Variants in POU2F2 observed in about 807,000 individuals in gnomAD.
POU2F2 encodes POU class 2 homeobox 2, also known as POU domain, class 2, transcription factor 2.
Under a neutral mutation model 63.5 loss-of-function variants are expected in POU2F2, and 14 were observed. The ratio of observed to expected loss-of-function variants is 0.22; its 90% confidence interval spans 0.15 to 0.34. The LOEUF (loss-of-function observed/expected upper bound fraction) is 0.34. Ranked by LOEUF, POU2F2 falls within the 10% of genes least tolerant of loss-of-function variation. POU2F2 has a pLI of 1.00. For synonymous variants in POU2F2, 306 were observed against 348.6 expected (o/e 0.88, Z 1.36); for missense variants, 607 against 815.2 (o/e 0.74, Z 3.11).
At chr19:42,138,063 C>T (rs1203347635) in intron 2 of POU2F2, among the ~76,000 whole-genome samples, 1 of 152,154 alleles carries the variant, frequency 6.6e-6, no homozygotes, top group Non-Finnish European at 1.5e-5. Context: ...AGTGGGACAC[C>T]TGAGAAGGTT....
chr19:42,111,229 T>C (rs2031031424), intron 5 of POU2F2, among the ~76,000 whole-genome samples: 1 of 152,144 alleles, frequency 6.6e-6, no homozygotes, highest in Non-Finnish European at 1.5e-5. Context: ...GCGATCCTCC[T>C]GCCTCAGCCT....
chr19:42,126,480 C>T (rs932550791), intron 1 of POU2F2, among the ~76,000 whole-genome samples: 1 of 151,544 alleles, frequency 6.6e-6, no homozygotes, highest in Non-Finnish European at 1.5e-5. Context: ...GGAATTAGGT[C>T]ACAGATGGGA....
intron 5 of POU2F2, among the ~76,000 whole-genome samples, chr19:42,108,737 C>G (rs1217202085): frequency 1.3e-5 from 2 of 152,160 alleles, no homozygotes; most frequent in African/African-American, 4.8e-5. Context: ...GGGCGTGTTA[C>G]GTCCGAGTCA....
intron 1 of POU2F2, among the ~76,000 whole-genome samples, chr19:42,165,310 G>A (rs564881122): frequency 1.6e-4 from 24 of 152,314 alleles, no homozygotes; most frequent in Non-Finnish European, 2.6e-4. Flanking sequence ...TAGAGTGGGC[G>A]GGGTAGTACC....
chr19:42,117,827 G>A lies in POU2F2; in HGVS notation c.187-395C>T, dbSNP rs1226212031. Among the ~76,000 whole-genome samples, 1 of 151,456 alleles carries A rather than the reference G, an allele frequency of 6.6e-6. No homozygotes were observed. Among genetic ancestry groups the A allele is most frequent in the African/African-American group, 2.4e-5 (1 of 41,224 alleles). The stretch of plus-strand genomic sequence containing the variant: ...AAACCCCATTTCTGAAAAAAAAAAA[G>A]GAAAATACTCCCACTGGGCACCTGG... On this transcript the variant is annotated intron_variant, in intron 4 of 14. Coordinates refer to ENST00000692977, the MANE Select transcript of POU2F2 (RefSeq NM_001394376.1). The surrounding 1 kb of genome is among the most constrained non-coding windows in gnomAD (Gnocchi z 4.4).
At chr19:42,111,540 C>T (rs553166495) in intron 5 of POU2F2, among the ~76,000 whole-genome samples, 3 of 152,152 alleles carry the variant, frequency 2.0e-5, no homozygotes, top group Non-Finnish European at 4.4e-5. Context: ...ACTCATCAAA[C>T]CCTAACATGT....
At chr19:42,186,895 C>T (rs2035018347) in intron 1 of POU2F2, among the ~76,000 whole-genome samples, 1 of 152,082 alleles carries the variant, frequency 6.6e-6, no homozygotes. Context: ...AGGCACAGAA[C>T]TTATTCGACA....
chr19:42,165,492 A>G (rs2034632690), intron 1 of POU2F2, among the ~76,000 whole-genome samples: 1 of 152,182 alleles, frequency 6.6e-6, no homozygotes, highest in Admixed American at 6.5e-5. Context: ...GGGCTCCTGG[A>G]TCAGAGTAGT....
chr19:42,094,484 ACTCT>A (rs917351757), intron 11 of POU2F2, among the ~76,000 whole-genome samples: 6 of 151,202 alleles, frequency 4.0e-5, no homozygotes, highest in African/African-American at 1.5e-4. Context: ...ACTAAATGTG[ACTCT>A]CTCCTTCCCC....
rs2076644053 is a variant in POU2F2 at position 42,089,376 on chromosome 19, T to C, written c.*1881A>G. The C allele has an allele frequency of 6.6e-6, 1 of 152,664 alleles. No homozygotes were observed. The highest frequency in any genetic ancestry group is 2.4e-5 in the African/African-American group (1 of 41,538). The allele number at this position is 152,664 out of a possible 1,614,324, so 9.5% of individuals were successfully genotyped here. A position where few individuals can be genotyped will look rare whatever the true frequency, so the allele number is the denominator to read the frequency against. Reference sequence around the variant, plus strand: ...AGTTGTTAAGTTTTCCTTCATCTGTTCTTTTTGCTTTCTTACTCCTTTTTT... The same window carrying C: ...AGTTGTTAAGTTTTCCTTCATCTGTCCTTTTTGCTTTCTTACTCCTTTTTT... On this transcript the variant is annotated 3_prime_UTR_variant, in exon 15 of 15. Transcript: ENST00000692977.
upstream of POU2F2, among the ~76,000 whole-genome samples, chr19:42,136,000 A>G (rs1177257704): frequency 6.6e-6 from 1 of 151,004 alleles, no homozygotes; most frequent in East Asian, 2.0e-4. Flanking sequence ...CATGACCTCA[A>G]GCCTATTTCC....
chr19:42,165,135 C>A (rs2146792444), intron 1 of POU2F2, among the ~76,000 whole-genome samples: 1 of 152,276 alleles, frequency 6.6e-6, no homozygotes, highest in South Asian at 2.1e-4. Flanking sequence ...TTAGTGGAGG[C>A]ACCTCTAGTG....
chr19:42,187,477 A>C (rs1178602233), intron 1 of POU2F2, among the ~76,000 whole-genome samples: 1 of 149,940 alleles, frequency 6.7e-6, no homozygotes, highest in African/African-American at 2.5e-5. Flanking sequence ...AAAAAAAAAA[A>C]CAGGCCAGGT....
intron 1 of POU2F2, among the ~76,000 whole-genome samples, chr19:42,161,556 G>T (rs1053131357): frequency 2.6e-5 from 4 of 151,754 alleles, no homozygotes; most frequent in African/African-American, 7.3e-5. Context: ...AGGAGGAGGA[G>T]AAAGAAAAAG....
chr19:42,179,848 C>T (rs866325305), upstream of POU2F2, among the ~76,000 whole-genome samples: 4 of 152,170 alleles, frequency 2.6e-5, no homozygotes, highest in African/African-American at 9.7e-5. Context: ...CTACTACTCC[C>T]TGTACGGAGC....
At chr19:42,115,155 A>T (rs999315800) in intron 5 of POU2F2, among the ~76,000 whole-genome samples, 1 of 152,092 alleles carries the variant, frequency 6.6e-6, no homozygotes, top group Non-Finnish European at 1.5e-5. Context: ...ATCTCAAAAA[A>T]AAAAGGCTAC....
chr19:42,138,509 T>C (rs1274731454), intron 2 of POU2F2, among the ~76,000 whole-genome samples: 2 of 151,954 alleles, frequency 1.3e-5, no homozygotes, highest in Non-Finnish European at 2.9e-5. Context: ...GAGGTTGGAT[T>C]TGAAGTTGCA....
In POU2F2 at chr19:42,091,021, T is replaced by A; in HGVS notation, c.*236A>T. On this transcript the variant is annotated 3_prime_UTR_variant, in exon 15 of 15. Coordinates refer to ENST00000692977, the MANE Select transcript of POU2F2 (RefSeq NM_001394376.1). ...GGTTTTTTTTTGTTTGTTTTTCACCTCTGGTTCCTTTGGGGCAGCTGGTTT... is the reference window on the plus strand; with the variant it reads ...GGTTTTTTTTTGTTTGTTTTTCACCACTGGTTCCTTTGGGGCAGCTGGTTT... 2.9e-6 allele frequency: 1 copy of A among 339,756 alleles called. No homozygotes were observed. The highest frequency in any genetic ancestry group is 5.3e-6 in the Non-Finnish European group (1 of 188,836). 21.0% of individuals were successfully genotyped at this position (339,756 alleles called of 1,614,324 possible).
At chr19:42,132,549 T>A, upstream of POU2F2, 1 of 765,188 alleles carries the variant, frequency 1.3e-6, no homozygotes, top group Non-Finnish European at 1.9e-6. Context: ...GAAAATACCC[T>A]GGCCCACAGA....
Sources: gnomAD v4.1 joint callset for allele counts (sites outside exome capture counted in the v4.1 genomes callset) on GRCh38, gnomAD v4.1.1 for gene constraint, Gnocchi (gnomAD v3.1) non-coding constraint, MANE v1.5 for transcripts, NCBI Gene and HGNC (gene_info 2026-07-23, HGNC 2026-07-21) for gene names.